SLC24A2: variants seen among roughly 807,000 people sequenced by gnomAD.
SLC24A2 encodes solute carrier family 24 member 2.
In SLC24A2, 36 loss-of-function variants were observed where a neutral mutation model predicts 62.0. The ratio of observed to expected loss-of-function variants is 0.58; its 90% CI spans 0.44 to 0.77. The LOEUF is 0.77. Ranked by LOEUF, SLC24A2 falls within the 30% of genes least tolerant of loss-of-function variation. The pLI, the probability that SLC24A2 is intolerant of heterozygous loss-of-function variation, is 0.00. For missense variants in SLC24A2, 846 were observed against 817.9 expected (o/e 1.03, Z -0.42); for synonymous variants, 358 against 294.0 (o/e 1.22, Z -2.23).
upstream of SLC24A2, among the ~76,000 whole-genome samples, chr9:19,791,120 T>G (rs1175316394): frequency 6.6e-6 from 1 of 152,142 alleles, no homozygotes; most frequent in Non-Finnish European, 1.5e-5. Flanking sequence ...CTGCCCAGGG[T>G]TTATAAAATA....
At chr9:19,897,826 A>T in the SLC24A2 span, among the ~76,000 whole-genome samples, 1 of 152,210 alleles carries the variant, frequency 6.6e-6, no homozygotes, top group African/African-American at 2.4e-5. Flanking sequence ...ACTGAAATCC[A>T]AATCTTTACG....
chr9:19,820,436 A>C, the SLC24A2 span, among the ~76,000 whole-genome samples: 2 of 151,586 alleles, frequency 1.3e-5, no homozygotes, highest in African/African-American at 4.8e-5. Context: ...TTATGGAAAA[A>C]TAAAATAATA....
the SLC24A2 span, among the ~76,000 whole-genome samples, chr9:20,142,816 G>A: frequency 3.7e-4 from 56 of 152,082 alleles, no homozygotes; most frequent in East Asian, 0.01. Flanking sequence ...GGCTGGTCTC[G>A]AACTCCTGAC....
At chr9:19,959,180 G>A in the SLC24A2 span, among the ~76,000 whole-genome samples, 233 of 152,298 alleles carry the variant, frequency 1.5e-3, 2 homozygotes, top group Non-Finnish European at 2.5e-3. Flanking sequence ...AATCAGTGAT[G>A]AGGGAGAAGG....
chr9:20,170,176 C>T, the SLC24A2 span, among the ~76,000 whole-genome samples: 1 of 151,344 alleles, frequency 6.6e-6, no homozygotes, highest in African/African-American at 2.4e-5. Context: ...ACAAAGCCTC[C>T]AAGAAGTCTG....
intron 2 of SLC24A2, among the ~76,000 whole-genome samples, chr9:19,664,469 A>G (rs1028363338): frequency 1.3e-5 from 2 of 152,246 alleles, no homozygotes; most frequent in African/African-American, 4.8e-5. Flanking sequence ...GGATATTAGC[A>G]TTCCTGTTGT....
chr9:20,235,453 G>C, the SLC24A2 span, among the ~76,000 whole-genome samples: 4 of 150,186 alleles, frequency 2.7e-5, no homozygotes, highest in Non-Finnish European at 4.4e-5. Context: ...CCCCAGCCTC[G>C]CTGCCACCTT....
At chr9:20,228,710 G>A in the SLC24A2 span, among the ~76,000 whole-genome samples, 3 of 152,126 alleles carry the variant, frequency 2.0e-5, no homozygotes, top group Non-Finnish European at 4.4e-5. Flanking sequence ...CCTTAGGAGG[G>A]TATAACCAGT....
At chr9:19,701,334 T>C (rs745943696) in intron 2 of SLC24A2, among the ~76,000 whole-genome samples, 7 of 152,220 alleles carry the variant, frequency 4.6e-5, no homozygotes, top group Admixed American at 1.3e-4. Context: ...TCTGGCTGAT[T>C]TCTAACTGCC....
chr9:20,011,890 G>A, the SLC24A2 span, among the ~76,000 whole-genome samples: 1 of 152,108 alleles, frequency 6.6e-6, no homozygotes, highest in Non-Finnish European at 1.5e-5. Flanking sequence ...CTCAACATAT[G>A]CAAACCAGCA....
chr9:19,951,226 T>TTGTGTG, the SLC24A2 span, among the ~76,000 whole-genome samples: 1,625 of 146,042 alleles, frequency 0.011, 28 homozygotes, highest in African/African-American at 0.033. Flanking sequence ...TTTTCTTAAG[T>TTGTGTG]TGTGTGTGTG....
chr9:19,915,636 T>C, the SLC24A2 span, among the ~76,000 whole-genome samples: 45 of 152,224 alleles, frequency 3.0e-4, no homozygotes, highest in East Asian at 7.9e-3. Context: ...GTAGTTCTAG[T>C]AGGTATGAAG....
At chr9:20,245,420 A>G in the SLC24A2 span, among the ~76,000 whole-genome samples, 1 of 152,214 alleles carries the variant, frequency 6.6e-6, no homozygotes, top group African/African-American at 2.4e-5. Flanking sequence ...GTGGAAGTCT[A>G]TGATGTTTTC....
At chr9:20,089,207 G>A in the SLC24A2 span, among the ~76,000 whole-genome samples, 1 of 152,086 alleles carries the variant, frequency 6.6e-6, no homozygotes, top group Non-Finnish European at 1.5e-5. Flanking sequence ...AACTGGTCTG[G>A]ACCCCCAGCA....
the SLC24A2 span, among the ~76,000 whole-genome samples, chr9:19,979,857 G>A: frequency 0.015 from 2,236 of 152,270 alleles, 52 homozygotes; most frequent in African/African-American, 0.05. Context: ...TAACCTCCAT[G>A]AGCTCCAGTT....
At chr9:20,265,333 C>G in the SLC24A2 span, among the ~76,000 whole-genome samples, 1 of 152,182 alleles carries the variant, frequency 6.6e-6, no homozygotes, top group African/African-American at 2.4e-5. Context: ...TGCGGGAAGT[C>G]AGGGACCCCA....
intron 2 of SLC24A2, among the ~76,000 whole-genome samples, chr9:19,626,924 C>A (rs370058033): frequency 1.3e-5 from 2 of 152,176 alleles, no homozygotes; most frequent in African/African-American, 4.8e-5. Context: ...AGGAAAAACA[C>A]CCTACTACCT....
chr9:19,568,959 C>T (rs979397051), intron 7 of SLC24A2, among the ~76,000 whole-genome samples: 10 of 152,064 alleles, frequency 6.6e-5, no homozygotes, highest in South Asian at 2.1e-4. Flanking sequence ...CCTTTCTTTC[C>T]GTGTACAAAT....
At chr9:19,585,264 T>C (rs1836339000) in intron 5 of SLC24A2, among the ~76,000 whole-genome samples, 1 of 152,228 alleles carries the variant, frequency 6.6e-6, no homozygotes, top group Admixed American at 6.5e-5. Flanking sequence ...TATAAATGTG[T>C]GCATATTTCT....
Sources: allele counts gnomAD v4.1 joint callset (sites outside exome capture counted in the v4.1 genomes callset), GRCh38; gene constraint gnomAD v4.1.1; transcripts MANE v1.5; gene names NCBI Gene and HGNC (gene_info 2026-07-23, HGNC 2026-07-21).